The following CNTLN variants were observed in gnomAD, a reference collection of about 807,000 sequenced individuals.
CNTLN encodes the protein centlein, centrosomal protein.
Under a neutral mutation model 180.0 loss-of-function variants are expected in CNTLN, and 212 were observed. That is an observed-to-expected ratio of 1.18 (90% CI 1.05 to 1.32). CNTLN has a LOEUF of 1.32. CNTLN is among the 40% of genes most tolerant of loss of function. The pLI, the probability that CNTLN is intolerant of heterozygous loss-of-function variation, is 0.00. For synonymous variants in CNTLN, 722 were observed against 563.1 expected (o/e 1.28, Z -3.99); for missense variants, 2,095 against 1,610.9 (o/e 1.30, Z -5.14).
At chr9:17,300,094 AG>A (rs1169551580) in intron 7 of CNTLN, 7 of 152,104 alleles carry the variant, frequency 4.6e-5, no homozygotes, top group African/African-American at 1.7e-4. Context: ...CCTTATCTGA[AG>A]TGCTTGGAAC....
chr9:17,509,793 C>T, the CNTLN span, among the ~76,000 whole-genome samples: 5 of 152,250 alleles, frequency 3.3e-5, no homozygotes, highest in African/African-American at 1.2e-4. Flanking sequence ...GCTTCCTGTT[C>T]TTGTGACTTT....
intron 13 of CNTLN, among the ~76,000 whole-genome samples, chr9:17,382,695 C>T (rs564415875): frequency 2.6e-5 from 4 of 152,266 alleles, no homozygotes; most frequent in South Asian, 4.2e-4. Context: ...ACTGCAGTTT[C>T]GTTTTATACT....
chr9:17,485,810 C>T (rs982203813), intron 24 of CNTLN, among the ~76,000 whole-genome samples: 27 of 152,050 alleles, frequency 1.8e-4, no homozygotes, highest in African/African-American at 5.8e-4. Flanking sequence ...TAAAATGATG[C>T]ACTCTCTGGG....
intron 15 of CNTLN, among the ~76,000 whole-genome samples, chr9:17,406,721 T>G (rs555125539): frequency 8.6e-5 from 13 of 151,894 alleles, no homozygotes; most frequent in African/African-American, 3.2e-4. Context: ...CTGTAAAGAA[T>G]TTGTTCATCA....
chr9:17,528,023 T>C, the CNTLN span, among the ~76,000 whole-genome samples: 3 of 151,910 alleles, frequency 2.0e-5, no homozygotes, highest in Non-Finnish European at 2.9e-5. Context: ...ATTGAATAAA[T>C]ACCTGAATAT....
chr9:17,294,967 A>G (rs1259944097), intron 6 of CNTLN, among the ~76,000 whole-genome samples: 1 of 149,004 alleles, frequency 6.7e-6, no homozygotes, highest in Non-Finnish European at 1.5e-5. Context: ...GCAGGTCCCC[A>G]GCCCTGCCGC....
chr9:17,139,468 C>G (rs1817938645), intron 1 of CNTLN, among the ~76,000 whole-genome samples: 1 of 151,902 alleles, frequency 6.6e-6, no homozygotes, highest in Non-Finnish European at 1.5e-5. Context: ...TGAGACCAGC[C>G]TGGCCAACAT....
chr9:17,268,281 T>C (rs1360812964), intron 5 of CNTLN, among the ~76,000 whole-genome samples: 1 of 152,234 alleles, frequency 6.6e-6, no homozygotes. Flanking sequence ...GCAGGTCTGT[T>C]GGAGTTTGCT....
intron 15 of CNTLN, among the ~76,000 whole-genome samples, chr9:17,401,416 C>T (rs1826963886): frequency 6.6e-6 from 1 of 151,818 alleles, no homozygotes; most frequent in Non-Finnish European, 1.5e-5. Flanking sequence ...CTCTGTTTCC[C>T]AGGCTGGAGT....
intron 6 of CNTLN, among the ~76,000 whole-genome samples, chr9:17,294,046 G>T (rs1035607096): frequency 6.6e-6 from 1 of 152,188 alleles, no homozygotes; most frequent in Admixed American, 6.5e-5. Flanking sequence ...TCCGGAGTTT[G>T]TTCCTTCTGA....
intron 12 of CNTLN, among the ~76,000 whole-genome samples, chr9:17,346,509 T>C (rs961580772): frequency 6.6e-5 from 10 of 152,214 alleles, no homozygotes; most frequent in Admixed American, 2.0e-4. Flanking sequence ...TGTAGAATTA[T>C]AACTTAGCAA....
rs753064329 is a variant in CNTLN at position 17,394,864 on chromosome 9, A to C, written c.2410A>C (p.Arg804=). ...PMEKSHQSAD[R]AKSEMATMKV... ...GGAGAAATCACACCAGTCAGCAGACAGAGCTAAATCCGAGATGGCCACCAT... is the reference window on the plus strand; with the variant it reads ...GGAGAAATCACACCAGTCAGCAGACCGAGCTAAATCCGAGATGGCCACCAT... The change falls in exon 15 of 26, where the codon AGA becomes CGA. Residue 804 remains arginine, a synonymous_variant. Transcript: ENST00000380647. 5 of 1,614,082 alleles carry C rather than the reference A, an allele frequency of 3.1e-6. No individual in the cohort carries two copies. In the South Asian group the frequency reaches 4.4e-5, roughly 14 times the overall value.
chr9:17,506,915 G>T (rs1833942804), downstream of CNTLN, among the ~76,000 whole-genome samples: 1 of 152,048 alleles, frequency 6.6e-6, no homozygotes, highest in African/African-American at 2.4e-5. Flanking sequence ...CGTACATTGG[G>T]TAATAATTAA....
intron 24 of CNTLN, among the ~76,000 whole-genome samples, chr9:17,486,727 C>A (rs937563917): frequency 6.6e-6 from 1 of 152,094 alleles, no homozygotes; most frequent in Non-Finnish European, 1.5e-5. Context: ...TTAGCCCCTA[C>A]TTTGAGCTCC....
intron 12 of CNTLN, among the ~76,000 whole-genome samples, chr9:17,365,163 G>C (rs1467620063): frequency 6.6e-6 from 1 of 152,158 alleles, no homozygotes; most frequent in East Asian, 1.9e-4. Context: ...GGTGAGAGGT[G>C]ACTTGATCAT....
intron 8 of CNTLN, among the ~76,000 whole-genome samples, chr9:17,318,471 T>C (rs1819685495): frequency 6.6e-6 from 1 of 152,208 alleles, no homozygotes; most frequent in Admixed American, 6.5e-5. Flanking sequence ...GACTATGTTA[T>C]AAAAAGGAGT....
chr9:17,291,411 A>C (rs1213804476), intron 6 of CNTLN, among the ~76,000 whole-genome samples: 2 of 152,164 alleles, frequency 1.3e-5, no homozygotes, highest in Non-Finnish European at 2.9e-5. Context: ...GGGTGTTAAA[A>C]GTCTCCCACT....
At chr9:17,521,265 A>AAGAGAGAGAGAGAG in the CNTLN span, among the ~76,000 whole-genome samples, 21,287 of 118,204 alleles carry the variant, frequency 0.18, 2,847 homozygotes, top group East Asian at 0.36. Flanking sequence ...AAGGGAGAAA[A>AAGAGAGAGAGAGAG]AGAGAGAGAG....
At chr9:17,383,308 C>T (rs1482402747) in intron 13 of CNTLN, among the ~76,000 whole-genome samples, 3 of 151,710 alleles carry the variant, frequency 2.0e-5, no homozygotes, top group Non-Finnish European at 4.4e-5. Context: ...GCAGGTGAAT[C>T]GTTTGAATCC....
Sources: allele counts gnomAD v4.1 joint callset (sites outside exome capture counted in the v4.1 genomes callset), GRCh38; gene constraint gnomAD v4.1.1; transcripts MANE v1.5; gene names NCBI Gene and HGNC (gene_info 2026-07-23, HGNC 2026-07-21).